PRKCE: variants seen among roughly 807,000 people sequenced by gnomAD.
PRKCE encodes the protein protein kinase C epsilon.
In PRKCE, 16 loss-of-function variants were observed where a neutral mutation model predicts 85.4. The observed-to-expected ratio is 0.19, with a 90% confidence interval of 0.13 to 0.28. PRKCE has a LOEUF of 0.28. Ranked by LOEUF, PRKCE falls within the 10% of genes least tolerant of loss-of-function variation. PRKCE has a pLI of 1.00. For synonymous variants in PRKCE, 388 were observed against 371.5 expected (o/e 1.04, Z -0.51); for missense variants, 573 against 975.2 (o/e 0.59, Z 5.49).
At chr2:45,968,266 CA>C (rs1701867627) in intron 2 of PRKCE, among the ~76,000 whole-genome samples, 1 of 152,148 alleles carries the variant, frequency 6.6e-6, no homozygotes, top group African/African-American at 2.4e-5. Flanking sequence ...CACACACACA[CA>C]CCATGGAATA....
chr2:45,870,122 A>T (rs1016715826), intron 2 of PRKCE, among the ~76,000 whole-genome samples: 1 of 152,160 alleles, frequency 6.6e-6, no homozygotes, highest in African/African-American at 2.4e-5. Flanking sequence ...CATCAGGCCC[A>T]TTGCAGCTAC....
At chr2:45,962,975 G>A (rs778164245) in intron 2 of PRKCE, among the ~76,000 whole-genome samples, 1 of 152,182 alleles carries the variant, frequency 6.6e-6, no homozygotes, top group African/African-American at 2.4e-5. Flanking sequence ...ATTGAAGCAG[G>A]TTTTTGAAGC....
At chr2:45,712,089 T>A (rs573328470) in intron 1 of PRKCE, among the ~76,000 whole-genome samples, 28 of 149,074 alleles carry the variant, frequency 1.9e-4, no homozygotes, top group Middle Eastern at 3.4e-3. Context: ...CTGTGTGCCC[T>A]CAGGTGTTCC....
At chr2:46,183,941 G>A (rs879840546) in intron 14 of PRKCE, among the ~76,000 whole-genome samples, 1 of 152,136 alleles carries the variant, frequency 6.6e-6, no homozygotes, top group African/African-American at 2.4e-5. Flanking sequence ...TTGATTGATT[G>A]CTCCCTTCCA....
At chr2:45,733,069 A>G (rs1187621596) in intron 1 of PRKCE, among the ~76,000 whole-genome samples, 1 of 152,238 alleles carries the variant, frequency 6.6e-6, no homozygotes, top group Non-Finnish European at 1.5e-5. Flanking sequence ...TTATTTATAA[A>G]CAAAGGCAGT....
intron 2 of PRKCE, among the ~76,000 whole-genome samples, chr2:45,938,183 G>C (rs1699615043): frequency 6.6e-6 from 1 of 151,270 alleles, no homozygotes; most frequent in African/African-American, 2.4e-5. Flanking sequence ...CCTCAGGGCA[G>C]GGCTGATGGG....
chr2:45,972,456 A>G (rs545269269), intron 2 of PRKCE, among the ~76,000 whole-genome samples: 23 of 152,288 alleles, frequency 1.5e-4, no homozygotes, highest in Non-Finnish European at 2.9e-4. Flanking sequence ...GCTGTGCAGA[A>G]GCTTTTTAGT....
chr2:45,933,430 A>G (rs1258727723), intron 2 of PRKCE, among the ~76,000 whole-genome samples: 1 of 150,076 alleles, frequency 6.7e-6, no homozygotes, highest in African/African-American at 2.5e-5. Context: ...ACTTCTTCCA[A>G]AAGTTTTGTT....
chr2:45,718,170 C>A (rs373181729), intron 1 of PRKCE, among the ~76,000 whole-genome samples: 195 of 152,104 alleles, frequency 1.3e-3, no homozygotes, highest in African/African-American at 4.6e-3. Context: ...TGGCCTCTGC[C>A]CACTAAATGT....
intron 2 of PRKCE, among the ~76,000 whole-genome samples, chr2:45,958,806 ATATATATATATTTTTTTTTTTTTTTTTT>A (rs1701165113): frequency 8.9e-5 from 2 of 22,504 alleles, no homozygotes; most frequent in Non-Finnish European, 1.5e-4. Flanking sequence ...ATATATATAT[ATATATATATATTTTTTTTTTTTTTTTTT>A]TTTTTTTTTT....
intron 14 of PRKCE, among the ~76,000 whole-genome samples, chr2:46,166,308 C>T (rs1253697628): frequency 2.0e-5 from 3 of 152,228 alleles, no homozygotes; most frequent in African/African-American, 4.8e-5. Context: ...ACACCATCCT[C>T]ATCCTCTGTT....
At chr2:46,141,035 T>A (rs1675466200) in intron 11 of PRKCE, among the ~76,000 whole-genome samples, 1 of 152,192 alleles carries the variant, frequency 6.6e-6, no homozygotes, top group African/African-American at 2.4e-5. Context: ...TGTCATATAT[T>A]GCTGATGGAC....
rs771065728 is a variant in PRKCE at position 45,895,021 on chromosome 2, G to A, written c.412+51958G>A. Among the ~76,000 whole-genome samples, 1 of 152,136 alleles carries A rather than the reference G, an allele frequency of 6.6e-6. No individual in the cohort carries two copies. Among genetic ancestry groups the A allele is most frequent in the Non-Finnish European group, 1.5e-5 (1 of 68,020 alleles). ...TACAGGCATCAGCCCCTGTGCCCCC[G>A]TTCGTTTGTTTTGAGTGAACACATA... On this transcript the variant is annotated intron_variant, in intron 2 of 14. Transcript: ENST00000306156. This position sits in a 1 kb window ranked among gnomAD's most constrained non-coding sequence, Gnocchi z 4.8.
chr2:45,724,719 T>C (rs1436050603), intron 1 of PRKCE, among the ~76,000 whole-genome samples: 1 of 152,150 alleles, frequency 6.6e-6, no homozygotes, highest in African/African-American at 2.4e-5. Context: ...GGATAGAAGA[T>C]CAAACCAGCC....
At chr2:45,776,266 T>C (rs972555164) in intron 1 of PRKCE, among the ~76,000 whole-genome samples, 1 of 152,166 alleles carries the variant, frequency 6.6e-6, no homozygotes, top group African/African-American at 2.4e-5. Flanking sequence ...CTCCTTAAAC[T>C]CTCCTCACTT....
intron 1 of PRKCE, among the ~76,000 whole-genome samples, chr2:45,741,860 G>A (rs1361472284): frequency 6.6e-6 from 1 of 152,214 alleles, no homozygotes; most frequent in East Asian, 1.9e-4. Flanking sequence ...AGAGCTACCA[G>A]AAGGCCATGG....
intron 2 of PRKCE, among the ~76,000 whole-genome samples, chr2:45,843,788 G>T (rs1475768925): frequency 6.6e-6 from 1 of 152,166 alleles, no homozygotes. Flanking sequence ...TTTGGAATTC[G>T]GACTGAAATG....
chr2:46,061,146 A>G (rs1407806079), intron 10 of PRKCE, among the ~76,000 whole-genome samples: 1 of 95,990 alleles, frequency 1.0e-5, no homozygotes, highest in South Asian at 2.9e-4. Flanking sequence ...TCTTACTCCT[A>G]TTACCCAGGC....
intron 1 of PRKCE, among the ~76,000 whole-genome samples, chr2:45,836,120 C>G (rs910638305): frequency 3.3e-5 from 5 of 152,180 alleles, no homozygotes; most frequent in African/African-American, 1.2e-4. Flanking sequence ...TAAGCTAAGG[C>G]CATGCATTCA....
Sources: allele counts gnomAD v4.1 joint callset (sites outside exome capture counted in the v4.1 genomes callset), GRCh38; gene constraint gnomAD v4.1.1; non-coding constraint Gnocchi (gnomAD v3.1); transcripts MANE v1.5; gene names NCBI Gene and HGNC (gene_info 2026-07-23, HGNC 2026-07-21).